CUL7: variants seen among roughly 807,000 people sequenced by gnomAD.
CUL7 encodes cullin-7.
In CUL7, 96 loss-of-function variants were observed where a neutral mutation model predicts 177.7. The observed-to-expected ratio is 0.54, with a 90% CI of 0.46 to 0.64. The LOEUF (loss-of-function observed/expected upper bound fraction) is 0.64. Among genes scored for constraint, CUL7 ranks in the 30% least tolerant of loss-of-function variants. The pLI, the probability that CUL7 is intolerant of heterozygous loss-of-function variation, is 0.00. For missense variants in CUL7, 1,893 were observed against 2,187.9 expected, an observed-to-expected ratio of 0.87 and a Z score of 2.69; for synonymous variants, 824 against 890.2, an observed-to-expected ratio of 0.93 and a Z score of 1.32.
At chr6:43,049,115 A>G (rs1662663795) in intron 7 of CUL7, among the ~76,000 whole-genome samples, 1 of 152,208 alleles carries the variant, frequency 6.6e-6, no homozygotes, top group African/African-American at 2.4e-5. Context: ...TGAAAACAGG[A>G]GAGCACTTCC....
Position 43,038,411 on chromosome 6 carries a change from G to A in CUL7, c.4629C>T (p.Leu1543=). The A allele has an allele frequency of 4.3e-6, 7 of 1,614,194 alleles. No homozygotes were observed. The highest frequency in any genetic ancestry group is 5.9e-6 in the Non-Finnish European group (7 of 1,180,034). The change falls in exon 25 of 26, where the codon CTC becomes CTT. Residue 1543 remains leucine (L), a synonymous_variant. Transcript: ENST00000265348. ...EPRSRWDIVR[L]IPPQTYLQAE... ...CTTGCAGGTACGTCTGAGGTGGGAT[G>A]AGCCGCACAATGTCCCATCTCGACC... is the stretch of plus-strand genomic sequence containing the variant.
intron 19 of CUL7, among the ~76,000 whole-genome samples, chr6:43,041,663 G>GAGGGA (rs1763422404): frequency 6.6e-6 from 1 of 150,766 alleles, no homozygotes; most frequent in South Asian, 2.1e-4. Context: ...GAAAAGAGGG[G>GAGGGA]AGGGAAGGGA....
rs1241523730 is a variant in CUL7 at position 43,044,611 on chromosome 6, A to G, written c.3172+141T>C. On this transcript the variant is annotated intron_variant, in intron 16 of 25. Coordinates refer to ENST00000265348, the MANE Select transcript of CUL7 (RefSeq NM_014780.5). ...GAAAGGGGGCAGCCCCTGGGCTGTGAGAAGACAGCACTGGGATTACAAATG... is the reference window on the plus strand; with the variant it reads ...GAAAGGGGGCAGCCCCTGGGCTGTGGGAAGACAGCACTGGGATTACAAATG... 9 of 1,196,528 alleles carry G rather than the reference A, an allele frequency of 7.5e-6. No homozygotes were observed. In the East Asian group the frequency reaches 2.0e-4, roughly 27 times the overall value. 74.1% of individuals were successfully genotyped at this position (1,196,528 alleles called of 1,614,324 possible). A position where few individuals can be genotyped will look rare whatever the true frequency, so the allele number is the denominator to read the frequency against.
Position 43,043,612 on chromosome 6 carries a change from G to A in CUL7, c.3191C>T (p.Pro1064Leu). The stretch of plus-strand genomic sequence containing the variant: ...GTACTGGTCCAGCAGCCAACCCAGG[G>A]GGCTAATGCCATCCTCATCTAGAGG... ...ITSPDEDGIS[P>L]LGWLLDQYLE... The change falls in exon 17 of 26, where the codon CCC (proline) becomes CTC (leucine). Residue 1064 changes from proline to leucine, a missense_variant. By Grantham distance (98) the Pro-to-Leu change is moderately conservative (BLOSUM62 -3). Transcript: ENST00000265348. The surrounding 1 kb of genome is among the most constrained non-coding windows in gnomAD (Gnocchi z 4.2). 6.2e-7 allele frequency: 1 copy of A among 1,609,218 alleles called. No homozygotes were observed. The highest frequency in any genetic ancestry group is 8.5e-7 in the Non-Finnish European group (1 of 1,177,376).
rs1763771138 is a variant in CUL7 at position 43,045,025 on chromosome 6, C to T, written c.3039-140G>A. The T allele has an allele frequency of 7.3e-7, 1 of 1,377,116 alleles. No individual in the cohort carries two copies. Among genetic ancestry groups the T allele is most frequent in the Admixed American group, 2.0e-5 (1 of 49,204 alleles). The allele number at this position is 1,377,116 out of a possible 1,614,324, so 85.3% of individuals were successfully genotyped here. A position where few individuals can be genotyped will look rare whatever the true frequency, so the allele number is the denominator to read the frequency against. Reference sequence around the variant, plus strand: ...GTACTTCAGAACTGCTCTGTGCTAACTGGTATATCCCATTCCCAGCCCACT... The same window carrying T: ...GTACTTCAGAACTGCTCTGTGCTAATTGGTATATCCCATTCCCAGCCCACT... On this transcript the variant is annotated intron_variant, in intron 15 of 25. Coordinates refer to ENST00000265348, the MANE Select transcript of CUL7 (RefSeq NM_014780.5). This position sits in a 1 kb window ranked among gnomAD's most constrained non-coding sequence, Gnocchi z 4.8.
At position 43,051,848 on chromosome 6, in the gene CUL7, C is replaced by G. The variant is rs1764437729; in HGVS notation, c.581-85G>C. 6.6e-7 allele frequency: 1 copy of G among 1,521,130 alleles called. No homozygotes were observed. The highest frequency in any genetic ancestry group is 1.4e-5 in the African/African-American group (1 of 73,152). 94.2% of individuals were successfully genotyped at this position (1,521,130 alleles called of 1,614,324 possible). Reference sequence around the variant, plus strand: ...GACCCTCTACTCTTTCAATCCAATCCTTTTGCCACCACACAATGAGAAAGA... The same window carrying G: ...GACCCTCTACTCTTTCAATCCAATCGTTTTGCCACCACACAATGAGAAAGA... On this transcript the variant is annotated intron_variant, in intron 2 of 25. Coordinates refer to ENST00000265348, the MANE Select transcript of CUL7 (RefSeq NM_014780.5). The surrounding 1 kb of genome is among the most constrained non-coding windows in gnomAD (Gnocchi z 5.0).
chr6:43,052,255 G>A lies in CUL7; in HGVS notation c.534C>T (p.Arg178=). 3 of 1,614,216 alleles carry A rather than the reference G, an allele frequency of 1.9e-6. No individual in the cohort carries two copies. The highest frequency in any genetic ancestry group is 2.5e-6 in the Non-Finnish European group (3 of 1,180,046). The change falls in exon 2 of 26, where the codon CGC becomes CGT. Residue 178 remains arginine (R), a synonymous_variant. Transcript: ENST00000265348. The surrounding 1 kb of genome is among the most constrained non-coding windows in gnomAD (Gnocchi z 4.5). ...HMLSSPDYQI[R]WSAGRMIQAL... ...CTTGTATCATCCGGCCTGCACTCCA[G>A]CGAATCTGATAATCAGGACTACTCA... is the stretch of plus-strand genomic sequence containing the variant.
Position 43,052,316 on chromosome 6 carries a change from T to C in CUL7, c.473A>G (p.Lys158Arg). 1.9e-6 allele frequency: 3 copies of C among 1,614,224 alleles called. No individual in the cohort carries two copies. The highest frequency in any genetic ancestry group is 1.7e-5 in the Admixed American group (1 of 60,026). ...GAGCAAGTCCAGGACCCTTGGGTCC[T>C]TGAATACTCCAGTGAGGGGCTCAAT... ...ASIEPLTGVF[K>R]DPRVLDLLMH... Residue 158 changes from lysine to arginine, a missense_variant, in exon 2 of 26, where the codon AAG (lysine) becomes AGG (arginine). Physicochemically the swap from Lys to Arg is conservative, Grantham distance 26. Around this residue, in one of 5 missense-constraint regions of CUL7, gnomAD observed 653 missense variants for 725.2 expected, o/e 0.90. Transcript: ENST00000265348. The surrounding 1 kb of genome is among the most constrained non-coding windows in gnomAD (Gnocchi z 4.5).
intron 25 of CUL7, 48 bp from the exon 26 acceptor site, chr6:43,038,059 C>A: frequency 6.4e-7 from 1 of 1,556,150 alleles, no homozygotes; most frequent in Non-Finnish European, 8.7e-7. Context: ...GGCAGCTGAC[C>A]CCTCCTTGCT....
rs1250408626 is a variant in CUL7, at chr6:43,037,734, G to C, written c.5051C>G (p.Pro1684Arg). ...HTLQIRSRGVPYASCTATQSF... is the reference protein window; with the variant it reads ...HTLQIRSRGVRYASCTATQSF... ...CTGGGTGGCAGTGCAGGAGGCATAGGGCACACCCCGGGAGCGAATCTGTAG... is the reference window on the plus strand; with the variant it reads ...CTGGGTGGCAGTGCAGGAGGCATAGCGCACACCCCGGGAGCGAATCTGTAG... The change falls in exon 26 of 26, where the codon CCC (proline) becomes CGC (arginine). Residue 1684 changes from proline (P) to arginine (R), a missense_variant. Physicochemically the swap from Pro to Arg is moderately radical, Grantham distance 103. Coordinates refer to ENST00000265348, the MANE Select transcript of CUL7 (RefSeq NM_014780.5). 2 of 1,568,366 alleles carry C rather than the reference G, an allele frequency of 1.3e-6. No homozygotes were observed. The highest frequency in any genetic ancestry group is 8.6e-7 in the Non-Finnish European group (1 of 1,156,396).
At chr6:43,047,909 CAG>C (rs1187632617) in intron 9 of CUL7, 18 of 562,920 alleles carry the variant, frequency 3.2e-5, no homozygotes, top group African/African-American at 1.9e-4. Context: ...CCTGGGGGAA[CAG>C]AGATTTGGGT....
intron 24 of CUL7, 30 bp from the exon 25 acceptor site, chr6:43,038,502 G>A (rs1484789281): frequency 6.2e-7 from 1 of 1,613,838 alleles, no homozygotes; most frequent in African/African-American, 1.3e-5. Context: ...CTCACTCAGT[G>A]GAGAGCCCAC....
Position 43,043,280 on chromosome 6 carries a change from G to C in CUL7, c.3356-100C>G, listed in dbSNP as rs1261666756. 1 of 1,210,140 alleles carries C rather than the reference G, an allele frequency of 8.3e-7. No homozygotes were observed. The highest frequency in any genetic ancestry group is 1.2e-6 in the Non-Finnish European group (1 of 831,708). The allele number at this position is 1,210,140 out of a possible 1,614,324, so 75.0% of individuals were successfully genotyped here. ...TCCCTGAGGCCTTTCCTGACATGCT[G>C]CCACCCAAAATGATGTTCATGGATG... On this transcript the variant is annotated intron_variant, in intron 17 of 25. Transcript: ENST00000265348. This position sits in a 1 kb window ranked among gnomAD's most constrained non-coding sequence, Gnocchi z 4.2.
chr6:43,050,779 C>T lies in CUL7; in HGVS notation c.1233+189G>A, dbSNP rs1764330158. On this transcript the variant is annotated intron_variant, in intron 4 of 25. Coordinates refer to ENST00000265348, the MANE Select transcript of CUL7 (RefSeq NM_014780.5). This position sits in a 1 kb window ranked among gnomAD's most constrained non-coding sequence, Gnocchi z 4.1. ...GGTGTGAGTCTTCTTGACTTCACAGCCTCCTAAACCCAGATTTTCCCAGCT... is the reference window on the plus strand; with the variant it reads ...GGTGTGAGTCTTCTTGACTTCACAGTCTCCTAAACCCAGATTTTCCCAGCT... Among the ~76,000 whole-genome samples, 1 of 152,062 alleles carries T rather than the reference C, an allele frequency of 6.6e-6. No homozygotes were observed. The highest frequency in any genetic ancestry group is 2.4e-5 in the African/African-American group (1 of 41,382).
chr6:43,045,855 G>A lies in CUL7; in HGVS notation c.2766+131C>T. 3 of 1,066,590 alleles carry A rather than the reference G, an allele frequency of 2.8e-6. No individual in the cohort carries two copies. Among genetic ancestry groups the A allele is most frequent in the Non-Finnish European group, 4.3e-6 (3 of 703,486 alleles). 66.1% of individuals were successfully genotyped at this position (1,066,590 alleles called of 1,614,324 possible). A position where few individuals can be genotyped will look rare whatever the true frequency, so the allele number is the denominator to read the frequency against. On this transcript the variant is annotated intron_variant, in intron 13 of 25. Coordinates refer to ENST00000265348, the MANE Select transcript of CUL7 (RefSeq NM_014780.5). This position sits in a 1 kb window ranked among gnomAD's most constrained non-coding sequence, Gnocchi z 4.8. ...CAGGGCCTGGTGGCACAAGCACAGGGATAAAGGACACTACTTTCTGTGGGG... is the reference window on the plus strand; with the variant it reads ...CAGGGCCTGGTGGCACAAGCACAGGAATAAAGGACACTACTTTCTGTGGGG...
rs1416361608 is a variant in CUL7, at chr6:43,040,143, C to G, written c.4294+13G>C. On this transcript the variant is annotated intron_variant, in intron 22 of 25. Coordinates refer to ENST00000265348, the MANE Select transcript of CUL7 (RefSeq NM_014780.5). This position sits in a 1 kb window ranked among gnomAD's most constrained non-coding sequence, Gnocchi z 4.2. ...CTCTCCCCAGTCCCCAGTCCCTCTG[C>G]CTGGCTGCTCACTCTTGTTGTAGAA... 2 of 1,614,050 alleles carry G rather than the reference C, an allele frequency of 1.2e-6. No individual in the cohort carries two copies. The highest frequency in any genetic ancestry group is 1.7e-6 in the Non-Finnish European group (2 of 1,180,018).
rs1287105686 is a variant in CUL7, at chr6:43,051,616, G to C, written c.728C>G (p.Pro243Arg). ...HPMSFEGIQL[P>R]QVPGRVLFSL... is the part of the protein sequence containing the mutation. ...CCTTACACCCCCAAAGGTTACCTGT[G>C]GTAGCTGAATGCCCTCGAAAGACAT... is the stretch of plus-strand genomic sequence containing the variant. The change falls in exon 3 of 26, where the codon CCA becomes CGA. Residue 243 changes from proline to arginine, a missense_variant. Pro to Arg is a moderately radical substitution (Grantham distance 103, BLOSUM62 -2). Around this residue, in one of 5 missense-constraint regions of CUL7, gnomAD observed 653 missense variants for 725.2 expected, o/e 0.90. Coordinates refer to ENST00000265348, the MANE Select transcript of CUL7 (RefSeq NM_014780.5). This position sits in a 1 kb window ranked among gnomAD's most constrained non-coding sequence, Gnocchi z 5.0. 6.2e-7 allele frequency: 1 copy of C among 1,614,132 alleles called. No individual in the cohort carries two copies. Among genetic ancestry groups the C allele is most frequent in the African/African-American group, 1.3e-5 (1 of 75,028 alleles).
In CUL7 at chr6:43,043,350, A is replaced by C. The variant is rs1481654578; in HGVS notation, c.3355+98T>G. On this transcript the variant is annotated intron_variant, in intron 17 of 25. Coordinates refer to ENST00000265348, the MANE Select transcript of CUL7 (RefSeq NM_014780.5). This position sits in a 1 kb window ranked among gnomAD's most constrained non-coding sequence, Gnocchi z 4.2. ...AGATGAACAGGCTGAGCCCATAGGG[A>C]GGGGAAGGATGGGGATGGACAGAAG... 1.5e-6 allele frequency: 2 copies of C among 1,312,794 alleles called. No homozygotes were observed. The highest frequency in any genetic ancestry group is 4.7e-5 in the East Asian group (2 of 42,868). The allele number at this position is 1,312,794 out of a possible 1,614,324, so 81.3% of individuals were successfully genotyped here.
intron 22 of CUL7, among the ~76,000 whole-genome samples, chr6:43,039,547 G>C (rs1319348631): frequency 2.0e-5 from 3 of 152,104 alleles, no homozygotes; most frequent in Middle Eastern, 6.8e-3. Context: ...TCTTATTTTA[G>C]AACAGAAAAA....
Sources: allele counts gnomAD v4.1 joint callset (sites outside exome capture counted in the v4.1 genomes callset), GRCh38; gene constraint gnomAD v4.1.1; regional missense constraint gnomAD v4.1.1; non-coding constraint Gnocchi (gnomAD v3.1); transcripts MANE v1.5; gene names NCBI Gene and HGNC (gene_info 2026-07-23, HGNC 2026-07-21).